The following RGP1 variants were observed in gnomAD, a reference collection of about 807,000 sequenced individuals.
RGP1 encodes RAB6A-GEF complex partner protein 2.
In RGP1, 28 loss-of-function variants were observed where a neutral mutation model predicts 44.5. The ratio of observed to expected loss-of-function variants is 0.63; its 90% CI spans 0.47 to 0.86. RGP1 has a LOEUF of 0.86. Ranked by LOEUF, RGP1 falls within the 40% of genes least tolerant of loss-of-function variation. The pLI, the probability that RGP1 is intolerant of heterozygous loss-of-function variation, is 0.00. For missense variants in RGP1, 417 were observed against 490.7 expected (o/e 0.85, Z 1.42); for synonymous variants, 212 against 196.7 (o/e 1.08, Z -0.65).
At chr9:35,768,537 A>G in the RGP1 span, among the ~76,000 whole-genome samples, 13 of 152,176 alleles carry the variant, frequency 8.5e-5, no homozygotes, top group South Asian at 2.1e-4. Context: ...CCACACTCAG[A>G]AAAAATAGTG....
the RGP1 span, among the ~76,000 whole-genome samples, chr9:35,784,313 T>C: frequency 2.6e-5 from 4 of 152,224 alleles, no homozygotes; most frequent in Non-Finnish European, 5.9e-5. Flanking sequence ...ATTTTTGCTT[T>C]GGTTGCCTGT....
At chr9:35,758,925 G>C (rs970341611), downstream of RGP1, among the ~76,000 whole-genome samples, 1 of 151,820 alleles carries the variant, frequency 6.6e-6, no homozygotes, top group Admixed American at 6.6e-5. Context: ...TTTTAAAAAA[G>C]CTAGGCTTGA....
intron 2 of RGP1, among the ~76,000 whole-genome samples, 168 bp from the exon 3 acceptor site, chr9:35,750,075 G>A (rs1827211342): frequency 6.6e-6 from 1 of 152,166 alleles, no homozygotes; most frequent in African/African-American, 2.4e-5. Context: ...CCCTTTTTAC[G>A]CACAGTCTGC....
At chr9:35,773,935 T>G in the RGP1 span, among the ~76,000 whole-genome samples, 1 of 152,180 alleles carries the variant, frequency 6.6e-6, no homozygotes, top group Non-Finnish European at 1.5e-5. Context: ...ACTCCCAGTG[T>G]TGGGGTTGCA....
At chr9:35,790,361 C>T in the RGP1 span, 1 of 153,766 alleles carries the variant, frequency 6.5e-6, no homozygotes, top group African/African-American at 2.4e-5. Flanking sequence ...TATCATTCGG[C>T]TTTCTTTGTA....
chr9:35,775,640 T>C, the RGP1 span, among the ~76,000 whole-genome samples: 1 of 152,216 alleles, frequency 6.6e-6, no homozygotes, highest in African/African-American at 2.4e-5. Flanking sequence ...AGTACACTTC[T>C]TAAGGATATT....
the RGP1 span, among the ~76,000 whole-genome samples, chr9:35,772,648 G>A: frequency 1.3e-5 from 2 of 152,026 alleles, no homozygotes; most frequent in East Asian, 1.9e-4. Flanking sequence ...AAAATTAGCC[G>A]GGCGTGGTGG....
downstream of RGP1, among the ~76,000 whole-genome samples, chr9:35,762,873 A>C (rs1042896965): frequency 3.0e-4 from 45 of 152,228 alleles, no homozygotes; most frequent in African/African-American, 1.0e-3. Flanking sequence ...GTTAAAAAAA[A>C]AAAGTTAAAG....
Position 35,749,293 on chromosome 9 carries a change from G to C in RGP1, c.-135G>C. 1 of 513,212 alleles carries C rather than the reference G, an allele frequency of 1.9e-6. No individual in the cohort carries two copies. The highest frequency in any genetic ancestry group is 4.0e-6 in the Non-Finnish European group (1 of 251,052). 31.8% of individuals were successfully genotyped at this position (513,212 alleles called of 1,614,324 possible). ...GGGTGGGGGACCGAAGGGAAGTCCCGCCTCTACCGCCCAGCGGACGCCGCC... is the reference window on the plus strand; with the variant it reads ...GGGTGGGGGACCGAAGGGAAGTCCCCCCTCTACCGCCCAGCGGACGCCGCC... On this transcript the variant is annotated 5_prime_UTR_variant, in exon 1 of 9. Coordinates refer to ENST00000378078, the MANE Select transcript of RGP1 (RefSeq NM_001080496.3). The surrounding 1 kb of genome is among the most constrained non-coding windows in gnomAD (Gnocchi z 4.4).
At position 35,753,442 on chromosome 9, in the gene RGP1, T is replaced by C; in HGVS notation, c.*568T>C. ...CACCTACCATATGTGGGCCTTTTTG[T>C]TTTATAACAGGAGTATTTTCTCTCC... On this transcript the variant is annotated 3_prime_UTR_variant, in exon 9 of 9. Coordinates refer to ENST00000378078, the MANE Select transcript of RGP1 (RefSeq NM_001080496.3). The surrounding 1 kb of genome is among the most constrained non-coding windows in gnomAD (Gnocchi z 4.2). 1.2e-6 allele frequency: 1 copy of C among 842,130 alleles called. No homozygotes were observed. 52.2% of individuals were successfully genotyped at this position (842,130 alleles called of 1,614,324 possible). A position where few individuals can be genotyped will look rare whatever the true frequency, so the allele number is the denominator to read the frequency against.
the RGP1 span, among the ~76,000 whole-genome samples, chr9:35,770,265 A>C: frequency 6.6e-6 from 1 of 152,318 alleles, no homozygotes; most frequent in Admixed American, 6.5e-5. Context: ...ACCTATGTGG[A>C]TGATAGTGTC....
At chr9:35,759,783 G>A (rs140966746), downstream of RGP1, among the ~76,000 whole-genome samples, 177 of 151,710 alleles carry the variant, frequency 1.2e-3, 2 homozygotes, top group African/African-American at 4.0e-3. Flanking sequence ...CCTTCTAGAA[G>A]TCCTGTCGTC....
chr9:35,777,907 C>T, the RGP1 span, among the ~76,000 whole-genome samples: 1 of 152,138 alleles, frequency 6.6e-6, no homozygotes, highest in Non-Finnish European at 1.5e-5. Flanking sequence ...CACCCCATAT[C>T]AATGACATAT....
chr9:35,752,008 G>A lies in RGP1; in HGVS notation c.815G>A (p.Arg272Gln), dbSNP rs554781518. Reference sequence around the variant, plus strand: ...CGTGTACAGCCTGAGTACCAGCGGCGACGTGGGGCAGGGGGTGTCCCCTCT... The same window carrying A: ...CGTGTACAGCCTGAGTACCAGCGGCAACGTGGGGCAGGGGGTGTCCCCTCT... Reference protein sequence around the residue: ...EERVQPEYQRRRGAGGVPSVS... With the variant: ...EERVQPEYQRQRGAGGVPSVS... The change falls in exon 8 of 9, where the codon CGA becomes CAA. Residue 272 changes from arginine to glutamine, a missense_variant. Coordinates refer to ENST00000378078, the MANE Select transcript of RGP1 (RefSeq NM_001080496.3). 4.2e-5 allele frequency: 68 copies of A among 1,604,876 alleles called. No homozygotes were observed. The highest frequency in any genetic ancestry group is 3.3e-4 in the South Asian group (30 of 89,716).
At position 35,751,432 on chromosome 9, in the gene RGP1, T is replaced by C. The variant is rs758119933; in HGVS notation, c.634+20T>C. On this transcript the variant is annotated intron_variant, in intron 6 of 8. Transcript: ENST00000378078. ...GCCTCCGTGAGAATTCTTTCAGAAT[T>C]GTCCTACCCCATCCTTCCCCTCATT... The C allele has an allele frequency of 6.2e-7, 1 of 1,613,802 alleles. No individual in the cohort carries two copies. The highest frequency in any genetic ancestry group is 8.5e-7 in the Non-Finnish European group (1 of 1,179,738).
rs1827324938 is a variant in RGP1, at chr9:35,754,238, C to T, written c.*1364C>T. ...TCCTTGAGTCTTAGTTTCTGTCTTTCTCCCCTGGGCTCCTGTCTCACACTA... is the reference window on the plus strand; with the variant it reads ...TCCTTGAGTCTTAGTTTCTGTCTTTTTCCCCTGGGCTCCTGTCTCACACTA... On this transcript the variant is annotated 3_prime_UTR_variant, in exon 9 of 9. Transcript: ENST00000378078. The T allele has an allele frequency of 7.3e-7, 1 of 1,366,440 alleles. No homozygotes were observed. The highest frequency in any genetic ancestry group is 1.5e-5 in the African/African-American group (1 of 68,850). The allele number at this position is 1,366,440 out of a possible 1,614,324, so 84.6% of individuals were successfully genotyped here.
the RGP1 span, among the ~76,000 whole-genome samples, chr9:35,770,682 G>T: frequency 0.058 from 8,770 of 152,174 alleles, 795 homozygotes; most frequent in African/African-American, 0.2. Context: ...TGTCATGGAG[G>T]GTGTACCACT....
the RGP1 span, among the ~76,000 whole-genome samples, chr9:35,763,826 GAGT>G: frequency 7.3e-6 from 1 of 136,904 alleles, no homozygotes; most frequent in Admixed American, 8.4e-5. Context: ...AGATTGCAGT[GAGT>G]CAAGATCTTG....
At chr9:35,767,122 A>G in the RGP1 span, among the ~76,000 whole-genome samples, 2 of 152,166 alleles carry the variant, frequency 1.3e-5, no homozygotes, top group Non-Finnish European at 1.5e-5. Context: ...TGATCTGCAG[A>G]GAAAAGGGAA....
Sources: gnomAD v4.1 joint callset for allele counts (sites outside exome capture counted in the v4.1 genomes callset) on GRCh38, gnomAD v4.1.1 for gene constraint, Gnocchi (gnomAD v3.1) non-coding constraint, MANE v1.5 for transcripts, NCBI Gene and HGNC (gene_info 2026-07-23, HGNC 2026-07-21) for gene names.